Variants in GALNTL6 observed in about 807,000 individuals in gnomAD.
The protein encoded by GALNTL6 is polypeptide N-acetylgalactosaminyltransferase like 6.
GALNTL6 carries 46 observed loss-of-function variants against 73.7 expected under a neutral mutation model. The observed-to-expected ratio is 0.62, with a 90% CI of 0.49 to 0.80. GALNTL6 has a LOEUF of 0.80. GALNTL6 is among the 30% of genes least tolerant of loss of function. GALNTL6 has a pLI of 0.00. For synonymous variants in GALNTL6, 259 were observed against 263.7 expected (o/e 0.98, Z 0.17); for missense variants, 604 against 755.0 (o/e 0.80, Z 2.34).
chr4:172,604,005 G>A (rs1738166153), intron 5 of GALNTL6, among the ~76,000 whole-genome samples: 1 of 152,208 alleles, frequency 6.6e-6, no homozygotes, highest in Admixed American at 6.5e-5. Context: ...AGCAGATATT[G>A]TAGACGGTCA....
chr4:171,982,188 AT>A (rs1308356422), intron 2 of GALNTL6, among the ~76,000 whole-genome samples: 1 of 152,098 alleles, frequency 6.6e-6, no homozygotes. Flanking sequence ...TAATCTTCAG[AT>A]TTTTTTCTCC....
chr4:172,303,198 C>T (rs1740003077), intron 3 of GALNTL6, among the ~76,000 whole-genome samples: 1 of 152,046 alleles, frequency 6.6e-6, no homozygotes, highest in African/African-American at 2.4e-5. Context: ...TGGGGTTTCA[C>T]CATCTTGGCC....
chr4:172,938,940 C>T (rs770312618), intron 9 of GALNTL6, among the ~76,000 whole-genome samples: 1 of 152,180 alleles, frequency 6.6e-6, no homozygotes, highest in Non-Finnish European at 1.5e-5. Context: ...TACTTTTGCT[C>T]AAAACTAAAG....
chr4:172,400,921 T>C (rs1350142036), intron 5 of GALNTL6, among the ~76,000 whole-genome samples: 1 of 152,130 alleles, frequency 6.6e-6, no homozygotes, highest in African/African-American at 2.4e-5. Context: ...AGGAGAATGA[T>C]TATTTTTGTG....
chr4:172,852,487 G>T (rs1236533105), intron 7 of GALNTL6, among the ~76,000 whole-genome samples: 2 of 152,120 alleles, frequency 1.3e-5, no homozygotes, highest in African/African-American at 4.8e-5. Context: ...GAGTTTCTGG[G>T]TGAGCAGCCA....
At chr4:172,151,866 C>T (rs1331538175) in intron 2 of GALNTL6, among the ~76,000 whole-genome samples, 1 of 150,372 alleles carries the variant, frequency 6.7e-6, no homozygotes, top group Non-Finnish European at 1.5e-5. Flanking sequence ...ATGCCTTTTC[C>T]ATATATATAT....
chr4:172,524,370 T>G (rs968570853), intron 5 of GALNTL6, among the ~76,000 whole-genome samples: 4 of 152,118 alleles, frequency 2.6e-5, no homozygotes, highest in African/African-American at 9.7e-5. Context: ...TGCTTCAGCC[T>G]CCCGAGTAGC....
chr4:172,880,294 T>C (rs975306984), intron 7 of GALNTL6, among the ~76,000 whole-genome samples: 3 of 152,008 alleles, frequency 2.0e-5, no homozygotes, highest in East Asian at 3.8e-4. Flanking sequence ...TTGCAGTAAA[T>C]TCATGCAAAT....
In GALNTL6 at chr4:171,914,705, C is replaced by A. The variant is rs114619019; in HGVS notation, c.138+99987C>A. On this transcript the variant is annotated intron_variant, in intron 2 of 12. Coordinates refer to ENST00000506823, the MANE Select transcript of GALNTL6 (RefSeq NM_001034845.3). ...TGCTGGGATTACAGGCATAAGCCAC[C>A]ATGGCCGGCCAAAAATGTACATATT... Among the ~76,000 whole-genome samples the A allele has an allele frequency of 8.4e-3, 1,268 of 150,746 alleles. 24 individuals are homozygous for A. Among genetic ancestry groups the A allele is most frequent in the African/African-American group, 0.029 (1,199 of 41,058 alleles).
chr4:172,597,748 C>A (rs1209273576), intron 5 of GALNTL6, among the ~76,000 whole-genome samples: 1 of 152,058 alleles, frequency 6.6e-6, no homozygotes. Flanking sequence ...AGACTCCCAG[C>A]ATATATTCAG....
chr4:172,534,207 T>C (rs1312633121), intron 5 of GALNTL6, among the ~76,000 whole-genome samples: 1 of 152,164 alleles, frequency 6.6e-6, no homozygotes, highest in African/African-American at 2.4e-5. Flanking sequence ...CAGCAAGTAT[T>C]ACTGGAAGCT....
At chr4:172,436,460 G>C (rs972693407) in intron 5 of GALNTL6, among the ~76,000 whole-genome samples, 4 of 152,152 alleles carry the variant, frequency 2.6e-5, no homozygotes. Flanking sequence ...AGAGAAACAG[G>C]TAAGTCCCGA....
intron 2 of GALNTL6, among the ~76,000 whole-genome samples, chr4:172,029,664 A>G (rs1301857867): frequency 6.6e-6 from 1 of 152,114 alleles, no homozygotes; most frequent in Non-Finnish European, 1.5e-5. Flanking sequence ...TAGAAATATC[A>G]TGCTTATCAC....
intron 12 of GALNTL6, among the ~76,000 whole-genome samples, chr4:173,036,229 T>C (rs1753690845): frequency 6.6e-6 from 1 of 151,830 alleles, no homozygotes. Context: ...CACCTTCCTA[T>C]ATATAATGGA....
At chr4:172,126,896 T>C (rs1412088744) in intron 2 of GALNTL6, among the ~76,000 whole-genome samples, 2 of 152,046 alleles carry the variant, frequency 1.3e-5, no homozygotes, top group Non-Finnish European at 1.5e-5. Flanking sequence ...GGCTGCTACC[T>C]CCAGGGCTAA....
intron 10 of GALNTL6, among the ~76,000 whole-genome samples, chr4:172,997,226 A>C (rs1319255322): frequency 6.6e-6 from 1 of 152,134 alleles, no homozygotes; most frequent in Non-Finnish European, 1.5e-5. Flanking sequence ...TAACGCCTAA[A>C]ATGACATTTT....
chr4:172,987,867 T>G (rs1323100270), intron 10 of GALNTL6, among the ~76,000 whole-genome samples: 1 of 152,158 alleles, frequency 6.6e-6, no homozygotes, highest in Non-Finnish European at 1.5e-5. Context: ...CCTACTACAA[T>G]TCCTACAATA....
At chr4:172,087,428 G>C (rs1337652528) in intron 2 of GALNTL6, among the ~76,000 whole-genome samples, 2 of 136,754 alleles carry the variant, frequency 1.5e-5, no homozygotes, top group Non-Finnish European at 1.5e-5. Flanking sequence ...CTGGGCAACA[G>C]AGTTAGACTC....
intron 10 of GALNTL6, among the ~76,000 whole-genome samples, chr4:173,003,976 T>C (rs1406261192): frequency 6.6e-6 from 1 of 152,166 alleles, no homozygotes. Flanking sequence ...TTTCTTAGTC[T>C]TTGAATTTCT....
Sources: allele counts gnomAD v4.1 joint callset (sites outside exome capture counted in the v4.1 genomes callset), GRCh38; gene constraint gnomAD v4.1.1; transcripts MANE v1.5; gene names NCBI Gene and HGNC (gene_info 2026-07-23, HGNC 2026-07-21).